PLPPR1: variants seen among roughly 807,000 people sequenced by gnomAD.
PLPPR1 encodes the protein phospholipid phosphatase-related protein type 1.
A neutral mutation model predicts 33.1 loss-of-function variants in PLPPR1; 10 were observed. The observed-to-expected ratio is 0.30, with a 90% confidence interval of 0.19 to 0.51. PLPPR1 has a LOEUF of 0.51. PLPPR1 is among the 20% of genes least tolerant of loss of function. The pLI is 0.97. For synonymous variants in PLPPR1, 151 were observed against 151.0 expected, an observed-to-expected ratio of 1.00 and a Z score of 0.00; for missense variants, 304 against 408.1, an observed-to-expected ratio of 0.74 and a Z score of 2.20.
At chr9:101,221,400 C>T (rs1198609287) in intron 2 of PLPPR1, among the ~76,000 whole-genome samples, 1 of 152,154 alleles carries the variant, frequency 6.6e-6, no homozygotes, top group Non-Finnish European at 1.5e-5. Flanking sequence ...ATCCGTGGGT[C>T]CTACCCTGCT....
chr9:101,259,996 G>T (rs1827868660), intron 2 of PLPPR1, among the ~76,000 whole-genome samples: 1 of 152,140 alleles, frequency 6.6e-6, no homozygotes, highest in Admixed American at 6.5e-5. Flanking sequence ...ATGAGAGACA[G>T]GTTTTCCCTA....
chr9:101,287,984 A>G (rs566100036), intron 4 of PLPPR1, among the ~76,000 whole-genome samples: 87 of 152,346 alleles, frequency 5.7e-4, no homozygotes, highest in African/African-American at 2.0e-3. Context: ...TATTTAAAGC[A>G]GAGATTTATT....
intron 1 of PLPPR1, among the ~76,000 whole-genome samples, chr9:101,035,267 ACT>A (rs1260574789): frequency 6.6e-6 from 1 of 152,042 alleles, no homozygotes; most frequent in African/African-American, 2.4e-5. Context: ...GGATGTGGAA[ACT>A]CTGTCATCTA....
In PLPPR1 at chr9:101,313,567, A is replaced by G. The variant is rs919392227; in HGVS notation, c.813+593A>G. Among the ~76,000 whole-genome samples the G allele has an allele frequency of 3.9e-5, 6 of 152,206 alleles. No individual in the cohort carries two copies. In the East Asian group the frequency reaches 9.6e-4, roughly 24 times the overall value. On this transcript the variant is annotated intron_variant, in intron 6 of 7. Coordinates refer to ENST00000374874, the MANE Select transcript of PLPPR1 (RefSeq NM_207299.2). ...CGCTAAACTGGCTTCTCAACCACCT[A>G]TCTTCCTGGAGAAGAGTTTTGGTTA...
intron 1 of PLPPR1, among the ~76,000 whole-genome samples, chr9:101,068,938 G>T (rs1830450912): frequency 6.6e-6 from 1 of 152,008 alleles, no homozygotes; most frequent in South Asian, 2.1e-4. Context: ...CATTATCCAG[G>T]GCAAATGTTT....
chr9:101,291,044 T>G (rs1588113122), intron 4 of PLPPR1, among the ~76,000 whole-genome samples: 1 of 152,228 alleles, frequency 6.6e-6, no homozygotes, highest in East Asian at 1.9e-4. Flanking sequence ...AAGAAAGGGG[T>G]GAAAGACGGC....
intron 2 of PLPPR1, among the ~76,000 whole-genome samples, chr9:101,251,762 T>C (rs1041184159): frequency 6.6e-6 from 1 of 152,140 alleles, no homozygotes; most frequent in African/African-American, 2.4e-5. Context: ...GAAGAGAACG[T>C]ACTGGCTCAT....
Position 101,209,855 on chromosome 9 carries a change from G to A in PLPPR1, c.63+24298G>A, listed in dbSNP as rs182572990. Among the ~76,000 whole-genome samples the A allele has an allele frequency of 2.2e-4, 34 of 152,238 alleles. 1 individual carries two copies. Among genetic ancestry groups the A allele is most frequent in the Admixed American group, 1.5e-3 (23 of 15,304 alleles). ...CAGCTATGTTCTGGGTCACAGCCTC[G>A]CTGATCTAATCATTTGCTCTGTCTT... On this transcript the variant is annotated intron_variant, in intron 2 of 7. Coordinates refer to ENST00000374874, the MANE Select transcript of PLPPR1 (RefSeq NM_207299.2).
At chr9:101,252,866 G>T (rs181323605) in intron 2 of PLPPR1, among the ~76,000 whole-genome samples, 4 of 151,472 alleles carry the variant, frequency 2.6e-5, no homozygotes, top group Non-Finnish European at 5.9e-5. Context: ...CTCGATGTTC[G>T]TTTTATGTTT....
intron 4 of PLPPR1, among the ~76,000 whole-genome samples, chr9:101,301,859 T>C (rs1475118272): frequency 6.6e-6 from 1 of 152,216 alleles, no homozygotes; most frequent in Non-Finnish European, 1.5e-5. Context: ...ATTGAAGAAT[T>C]CGTATTCTGT....
chr9:101,324,208 G>T lies in PLPPR1; in HGVS notation c.*151G>T. On this transcript the variant is annotated 3_prime_UTR_variant, in exon 8 of 8. Transcript: ENST00000374874. ...TTGTACATTTTTTGTATGAGGAAGT[G>T]ATGTAGCTTGCCCTGATTTTTTTTT... 2 of 519,970 alleles carry T rather than the reference G, an allele frequency of 3.8e-6. No individual in the cohort carries two copies. Among genetic ancestry groups the T allele is most frequent in the Admixed American group, 3.4e-5 (1 of 29,018 alleles). 32.2% of individuals were successfully genotyped at this position (519,970 alleles called of 1,614,324 possible). A position where few individuals can be genotyped will look rare whatever the true frequency, so the allele number is the denominator to read the frequency against.
At chr9:101,099,650 T>C (rs1390059137) in intron 1 of PLPPR1, among the ~76,000 whole-genome samples, 1 of 152,140 alleles carries the variant, frequency 6.6e-6, no homozygotes, top group African/African-American at 2.4e-5. Flanking sequence ...TTAGGTATTA[T>C]AAGGAATTAA....
At chr9:101,141,565 T>C (rs1338153348) in intron 1 of PLPPR1, among the ~76,000 whole-genome samples, 1 of 152,198 alleles carries the variant, frequency 6.6e-6, no homozygotes, top group Admixed American at 6.5e-5. Flanking sequence ...TCCTAACATA[T>C]GATAAGCAGG....
intron 6 of PLPPR1, among the ~76,000 whole-genome samples, chr9:101,314,846 A>G (rs1180345968): frequency 2.0e-5 from 3 of 152,256 alleles, no homozygotes; most frequent in African/African-American, 7.2e-5. Flanking sequence ...TTCTTCCTAT[A>G]GTGAAAGATG....
chr9:101,250,281 T>C (rs897664750), intron 2 of PLPPR1, among the ~76,000 whole-genome samples: 4 of 152,088 alleles, frequency 2.6e-5, no homozygotes, highest in African/African-American at 9.7e-5. Context: ...TCTCACCCTG[T>C]GGTTCTTGTG....
chr9:101,126,379 A>G (rs555548026), intron 1 of PLPPR1, among the ~76,000 whole-genome samples: 1 of 152,292 alleles, frequency 6.6e-6, no homozygotes, highest in South Asian at 2.1e-4. Context: ...CCTGAGGGCA[A>G]GCGTCCCCTA....
intron 1 of PLPPR1, among the ~76,000 whole-genome samples, chr9:101,060,304 C>T (rs1200782120): frequency 6.6e-6 from 1 of 151,792 alleles, no homozygotes; most frequent in Non-Finnish European, 1.5e-5. Flanking sequence ...ATGGTGTTTA[C>T]CAGAGGCTAG....
At chr9:101,050,059 A>T (rs1588007170) in intron 1 of PLPPR1, among the ~76,000 whole-genome samples, 1 of 135,858 alleles carries the variant, frequency 7.4e-6, no homozygotes. Context: ...TGGGAGGCGG[A>T]GGTTGCAGTG....
At chr9:101,213,660 C>A (rs1439279066) in intron 2 of PLPPR1, among the ~76,000 whole-genome samples, 1 of 152,048 alleles carries the variant, frequency 6.6e-6, no homozygotes, top group Non-Finnish European at 1.5e-5. Flanking sequence ...TTTATCAATT[C>A]CTACTTTATA....
Sources: gnomAD v4.1 joint callset for allele counts (sites outside exome capture counted in the v4.1 genomes callset) on GRCh38, gnomAD v4.1.1 for gene constraint, MANE v1.5 for transcripts, NCBI Gene and HGNC (gene_info 2026-07-23, HGNC 2026-07-21) for gene names.